PICALM: variants seen among roughly 807,000 people sequenced by gnomAD.
PICALM encodes phosphatidylinositol binding clathrin assembly protein, also known as phosphatidylinositol-binding clathrin assembly protein.
A neutral mutation model predicts 80.5 loss-of-function variants in PICALM; 40 were observed. That is an observed-to-expected ratio of 0.50 (90% CI 0.39 to 0.65). The LOEUF (loss-of-function observed/expected upper bound fraction) is 0.65. Among genes scored for constraint, PICALM ranks in the 30% least tolerant of loss-of-function variants. The probability of loss-of-function intolerance (pLI) is 0.00; values close to 1 mark genes in which losing one functional copy is unlikely to be tolerated. For synonymous variants in PICALM, 288 were observed against 260.3 expected, an observed-to-expected ratio of 1.11 and a Z score of -1.02; for missense variants, 676 against 778.9, an observed-to-expected ratio of 0.87 and a Z score of 1.57.
chr11:86,048,480 T>C (rs911282183), intron 1 of PICALM, among the ~76,000 whole-genome samples: 10 of 152,096 alleles, frequency 6.6e-5, no homozygotes, highest in African/African-American at 1.9e-4. Flanking sequence ...ATTCCAAACC[T>C]GACAACAAAT....
chr11:85,968,942 G>A (rs914559141), intron 19 of PICALM, among the ~76,000 whole-genome samples: 4 of 130,842 alleles, frequency 3.1e-5, no homozygotes, highest in Non-Finnish European at 4.9e-5. Flanking sequence ...ACAGAAAAAT[G>A]ACTCAACACA....
chr11:85,996,829 C>T lies in PICALM; in HGVS notation c.1255G>A (p.Gly419Arg), dbSNP rs748240495. The part of the protein sequence containing the change: ...STASQVASTW[G>R]DPFSATVDAV... ...AATAGAATTCATCAATGCTTACCTC[C>T]CCATGTACTTGCTACCTGAGAAGCA... Residue 419 changes from glycine (G) to arginine (R), a missense_variant, in exon 12 of 20, where the codon GGA (glycine) becomes AGA (arginine). Physicochemically the swap from Gly to Arg is moderately radical, Grantham distance 125 (BLOSUM62 -2). Transcript: ENST00000393346. 2.6e-6 allele frequency: 4 copies of T among 1,563,074 alleles called. No individual in the cohort carries two copies. The highest frequency in any genetic ancestry group is 1.1e-5 in the South Asian group (1 of 89,766).
chr11:86,057,410 G>A (rs991060535), intron 1 of PICALM, among the ~76,000 whole-genome samples: 8 of 151,966 alleles, frequency 5.3e-5, no homozygotes, highest in Non-Finnish European at 7.4e-5. Flanking sequence ...CTGGTGGCTC[G>A]CGCCTGTAAT....
chr11:86,047,757 A>C (rs894701790), intron 1 of PICALM, among the ~76,000 whole-genome samples: 3 of 152,204 alleles, frequency 2.0e-5, no homozygotes, highest in African/African-American at 4.8e-5. Flanking sequence ...TTCTAGATTA[A>C]GTCTATAAGC....
intron 1 of PICALM, among the ~76,000 whole-genome samples, chr11:86,048,815 G>A (rs1170597916): frequency 7.0e-6 from 1 of 142,464 alleles, no homozygotes; most frequent in African/African-American, 2.6e-5. Context: ...GCCTCCTGGG[G>A]AGTAAGAGTG....
At chr11:85,992,130 G>A (rs1040980359) in intron 12 of PICALM, among the ~76,000 whole-genome samples, 2 of 152,086 alleles carry the variant, frequency 1.3e-5, no homozygotes, top group African/African-American at 4.8e-5. Context: ...TTACAGGCAT[G>A]AGCCAACAAG....
At chr11:86,014,731 C>T (rs1332265458) in intron 5 of PICALM, 139 bp downstream of exon 5, 3 of 477,574 alleles carry the variant, frequency 6.3e-6, no homozygotes, top group Non-Finnish European at 1.1e-5. Flanking sequence ...TGACTTGAGA[C>T]TATTTTATAA....
At chr11:85,978,805 C>T (rs1433736085) in intron 17 of PICALM, 1 of 152,156 alleles carries the variant, frequency 6.6e-6, no homozygotes, top group African/African-American at 2.4e-5. Flanking sequence ...TAAGTGCTAT[C>T]TATGAACTCC....
At chr11:85,991,844 G>A (rs576302260) in intron 12 of PICALM, among the ~76,000 whole-genome samples, 51 of 152,200 alleles carry the variant, frequency 3.4e-4, no homozygotes, top group African/African-American at 1.2e-3. Flanking sequence ...TTGCAGGGGG[G>A]CACGGTGGGT....
chr11:85,963,821 G>A (rs533740686), intron 19 of PICALM, among the ~76,000 whole-genome samples: 39 of 151,514 alleles, frequency 2.6e-4, no homozygotes, highest in South Asian at 2.3e-3. Flanking sequence ...TAGTGGCGCA[G>A]TCACGGGTCA....
At chr11:85,974,884 C>T (rs1020902755) in intron 18 of PICALM, 72 bp from the exon 19 acceptor site, 27 of 1,038,638 alleles carry the variant, frequency 2.6e-5, no homozygotes, top group Non-Finnish European at 3.9e-5. Flanking sequence ...ATAACAATGA[C>T]AACAGGGATG....
chr11:85,986,764 G>A (rs1290880055), intron 13 of PICALM, among the ~76,000 whole-genome samples: 1 of 152,168 alleles, frequency 6.6e-6, no homozygotes, highest in Non-Finnish European at 1.5e-5. Flanking sequence ...AAAAGAGAAA[G>A]TTTACAGAAA....
At chr11:86,014,748 C>A in intron 5 of PICALM, 122 bp downstream of exon 5, 6 of 495,680 alleles carry the variant, frequency 1.2e-5, no homozygotes, top group Non-Finnish European at 2.1e-5. Flanking sequence ...ATAAAAAATC[C>A]TTAGCCATAT....
At position 86,042,041 on chromosome 11, in the gene PICALM, G is replaced by A. The variant is rs369638039; in HGVS notation, c.131-10430C>T. 1.2e-4 allele frequency among the ~76,000 whole-genome samples: 18 copies of A among 152,048 alleles called. No homozygotes were observed. The East Asian group carries it at 2.7e-3, about 23-fold the overall frequency. The stretch of plus-strand genomic sequence containing the variant: ...AGAAAGTGTAAACCTAGAGCTTTCC[G>A]TTGGCATTCTGGTAAACTCTGCATT... On this transcript the variant is annotated intron_variant, in intron 1 of 19. Transcript: ENST00000393346.
intron 8 of PICALM, among the ~76,000 whole-genome samples, chr11:86,006,419 G>A (rs931167263): frequency 4.6e-5 from 7 of 152,128 alleles, no homozygotes; most frequent in Admixed American, 1.3e-4. Context: ...AAGCCTAGGC[G>A]GGCAGATCAC....
intron 4 of PICALM, among the ~76,000 whole-genome samples, chr11:86,021,669 G>C (rs1043458233): frequency 7.2e-5 from 11 of 152,056 alleles, no homozygotes; most frequent in African/African-American, 2.7e-4. Context: ...ATATGACACA[G>C]CAATTCCACT....
At chr11:86,043,952 GAAC>G (rs1008886462) in intron 1 of PICALM, among the ~76,000 whole-genome samples, 1 of 152,122 alleles carries the variant, frequency 6.6e-6, no homozygotes, top group African/African-American at 2.4e-5. Flanking sequence ...AATGCACACA[GAAC>G]AACGAGAATC....
At chr11:86,010,152 C>A (rs1211470435) in intron 7 of PICALM, among the ~76,000 whole-genome samples, 1 of 152,076 alleles carries the variant, frequency 6.6e-6, no homozygotes, top group Admixed American at 6.6e-5. Context: ...CCCTTAAGAA[C>A]GCCTCTGTGG....
At position 86,011,044 on chromosome 11, in the gene PICALM, G is replaced by C; in HGVS notation, c.751C>G (p.Leu251Val). 1 of 1,510,518 alleles carries C rather than the reference G, an allele frequency of 6.6e-7. No individual in the cohort carries two copies. Among genetic ancestry groups the C allele is most frequent in the Non-Finnish European group, 9.1e-7 (1 of 1,094,670 alleles). The allele number at this position is 1,510,518 out of a possible 1,614,324, so 93.6% of individuals were successfully genotyped here. A position where few individuals can be genotyped will look rare whatever the true frequency, so the allele number is the denominator to read the frequency against. ...AGACAGTTTACCTCTGCAACTTTGA[G>C]GAACTCTGAGATTCTTGTCATCCTA... ...LTRMTRISEF[L>V]KVAEQVGIDR... Residue 251 changes from leucine to valine, a missense_variant, in exon 7 of 20, where the codon CTC (leucine) becomes GTC (valine). Transcript: ENST00000393346.
Sources: allele counts gnomAD v4.1 joint callset (sites outside exome capture counted in the v4.1 genomes callset), GRCh38; gene constraint gnomAD v4.1.1; transcripts MANE v1.5; gene names NCBI Gene and HGNC (gene_info 2026-07-23, HGNC 2026-07-21).